The following HSF5 variants were observed in gnomAD, a reference collection of about 807,000 sequenced individuals.
HSF5 encodes the protein heat shock transcription factor 5, also known as heat shock factor protein 5.
Under a neutral mutation model 50.8 loss-of-function variants are expected in HSF5, and 5 were observed. The ratio of observed to expected loss-of-function variants is 0.10; its 90% CI spans 0.05 to 0.21. The LOEUF (loss-of-function observed/expected upper bound fraction) is 0.21. Ranked by LOEUF, HSF5 falls within the 10% of genes least tolerant of loss-of-function variation. The pLI, the probability that HSF5 is intolerant of heterozygous loss-of-function variation, is 1.00. For missense variants in HSF5, 564 were observed against 762.6 expected, an observed-to-expected ratio of 0.74 and a Z score of 3.07; for synonymous variants, 307 against 307.4, an observed-to-expected ratio of 1.00 and a Z score of 0.02.
chr17:58,435,115 C>G (rs1165744773), intron 5 of HSF5, among the ~76,000 whole-genome samples: 1 of 152,090 alleles, frequency 6.6e-6, no homozygotes, highest in Non-Finnish European at 1.5e-5. Context: ...AGGGTCACAG[C>G]CACGAATGAA....
At chr17:58,449,447 C>G (rs1258298019) in intron 5 of HSF5, among the ~76,000 whole-genome samples, 3 of 152,226 alleles carry the variant, frequency 2.0e-5, no homozygotes, top group Admixed American at 2.0e-4. Context: ...TGCCTGTAAT[C>G]CCAACACTTC....
At chr17:58,438,176 G>A (rs1304629205) in intron 5 of HSF5, among the ~76,000 whole-genome samples, 1 of 151,902 alleles carries the variant, frequency 6.6e-6, no homozygotes, top group Non-Finnish European at 1.5e-5. Flanking sequence ...CTGTAAGATT[G>A]TACTCTATTT....
intron 5 of HSF5, among the ~76,000 whole-genome samples, chr17:58,447,681 C>T (rs1303978903): frequency 6.6e-6 from 1 of 152,138 alleles, no homozygotes; most frequent in Non-Finnish European, 1.5e-5. Context: ...CTTAGGGTGC[C>T]CTCTACTGCT....
chr17:58,466,151 T>C (rs1284789160), intron 3 of HSF5, among the ~76,000 whole-genome samples: 3 of 152,172 alleles, frequency 2.0e-5, no homozygotes, highest in African/African-American at 7.2e-5. Context: ...TTCCAAAATC[T>C]GAAAAAATCC....
chr17:58,468,744 T>A (rs1364665849), intron 2 of HSF5, among the ~76,000 whole-genome samples: 2 of 152,172 alleles, frequency 1.3e-5, no homozygotes, highest in Non-Finnish European at 2.9e-5. Flanking sequence ...AATTTAACCA[T>A]TAAATTTTGC....
intron 5 of HSF5, among the ~76,000 whole-genome samples, chr17:58,438,576 C>A (rs1403748879): frequency 2.0e-5 from 3 of 151,976 alleles, no homozygotes; most frequent in Non-Finnish European, 4.4e-5. Context: ...GAAGTCAGAC[C>A]ACACATGCCA....
At chr17:58,449,156 G>C (rs896596977) in intron 5 of HSF5, among the ~76,000 whole-genome samples, 1 of 152,026 alleles carries the variant, frequency 6.6e-6, no homozygotes, top group Non-Finnish European at 1.5e-5. Flanking sequence ...AAAATAAAAA[G>C]CAAGGAATTA....
intron 1 of HSF5, among the ~76,000 whole-genome samples, chr17:58,485,499 C>T (rs1358735674): frequency 6.6e-6 from 1 of 152,044 alleles, no homozygotes; most frequent in Non-Finnish European, 1.5e-5. Flanking sequence ...GTAATCCCAG[C>T]ACTTCCAGAG....
chr17:58,433,911 ATTTT>A lies in HSF5; in HGVS notation c.1721-11485_1721-11482del, dbSNP rs59043902. On this transcript the variant is annotated intron_variant, in intron 5 of 5. Transcript: ENST00000323777. ...GAGGTATGAAGGAAAGGTCAAAGGG[ATTTT>A]TTTTTTTTTTTTTTTTAGATGGAGC... Among the ~76,000 whole-genome samples, 161 of 109,342 alleles carry A rather than the reference ATTTT, an allele frequency of 1.5e-3. 3 individuals are homozygous for A. Among genetic ancestry groups the A allele is most frequent in the African/African-American group, 5.4e-3 (149 of 27,788 alleles). The allele number at this position is 109,342 out of a possible 152,430, so 71.7% of individuals were successfully genotyped here.
At chr17:58,476,182 A>G (rs1567917676) in intron 2 of HSF5, 2 of 960,146 alleles carry the variant, frequency 2.1e-6, no homozygotes, top group Non-Finnish European at 3.2e-6. Flanking sequence ...CATCATCTTC[A>G]TCTTCTTCAT....
intron 5 of HSF5, among the ~76,000 whole-genome samples, chr17:58,430,492 G>A (rs1974349204): frequency 6.6e-6 from 1 of 152,178 alleles, no homozygotes; most frequent in African/African-American, 2.4e-5. Context: ...CAGTCAGCCA[G>A]GGGCCCAGAG....
chr17:58,476,699 T>C (rs1443805334), intron 2 of HSF5: 1 of 1,585,640 alleles, frequency 6.3e-7, no homozygotes, highest in African/African-American at 1.3e-5. Context: ...ACAAATGTTG[T>C]TATCCAAAAA....
chr17:58,487,510 C>T (rs1167123643), intron 1 of HSF5, among the ~76,000 whole-genome samples: 1 of 152,260 alleles, frequency 6.6e-6, no homozygotes, highest in Non-Finnish European at 1.5e-5. Flanking sequence ...CTTACGGACC[C>T]TCCAGGGGAG....
intron 2 of HSF5, among the ~76,000 whole-genome samples, chr17:58,474,288 A>C (rs1418927275): frequency 1.3e-5 from 2 of 152,180 alleles, no homozygotes; most frequent in African/African-American, 2.4e-5. Context: ...TTAACAATAA[A>C]ATTTTTCATT....
At chr17:58,482,120 T>TAAAC (rs61252478) in intron 1 of HSF5, among the ~76,000 whole-genome samples, 126,765 of 151,792 alleles carry the variant, frequency 0.84, 53,072 homozygotes, top group East Asian at 1. Context: ...AATAAATAAA[T>TAAAC]AAATAAATAA....
At chr17:58,466,831 T>G in intron 3 of HSF5, 54 bp downstream of exon 3, 1 of 1,056,038 alleles carries the variant, frequency 9.5e-7, no homozygotes, top group Non-Finnish European at 1.5e-6. Flanking sequence ...TTTTGCAATA[T>G]CGATAAAATT....
At chr17:58,457,974 T>G (rs557167920) in intron 5 of HSF5, among the ~76,000 whole-genome samples, 1 of 152,248 alleles carries the variant, frequency 6.6e-6, no homozygotes. Context: ...ATTAATTTAC[T>G]TTTTGGAAAA....
intron 3 of HSF5, among the ~76,000 whole-genome samples, chr17:58,465,252 C>T (rs188800329): frequency 3.3e-5 from 5 of 149,492 alleles, no homozygotes; most frequent in Admixed American, 2.7e-4. Flanking sequence ...AATTTCCTGG[C>T]CTCAAACAAT....
chr17:58,426,961 A>G (rs1340722864), intron 5 of HSF5, among the ~76,000 whole-genome samples: 1 of 152,202 alleles, frequency 6.6e-6, no homozygotes, highest in Non-Finnish European at 1.5e-5. Flanking sequence ...CTTATGAAAA[A>G]AAAATGTTGG....
Sources: gnomAD v4.1 joint callset for allele counts (sites outside exome capture counted in the v4.1 genomes callset) on GRCh38, gnomAD v4.1.1 for gene constraint, MANE v1.5 for transcripts, NCBI Gene and HGNC (gene_info 2026-07-23, HGNC 2026-07-21) for gene names.